DMD: variants seen among roughly 807,000 people sequenced by gnomAD.
DMD encodes the protein dystrophin, also known as mutant dystrophin.
DMD carries 63 observed loss-of-function variants against 330.1 expected under a neutral mutation model. That is an observed-to-expected ratio of 0.19 (90% CI 0.16 to 0.24). The LOEUF (loss-of-function observed/expected upper bound fraction) is 0.24. Among genes scored for constraint, DMD ranks in the 10% least tolerant of loss-of-function variants. The pLI is 1.00. For synonymous variants in DMD, 1,223 were observed against 959.8 expected, an observed-to-expected ratio of 1.27 and a Z score of -5.07; for missense variants, 3,344 against 2,684.1, an observed-to-expected ratio of 1.25 and a Z score of -5.43.
intron 7 of DMD, among the ~76,000 whole-genome samples, chrX:32,770,500 T>C (rs1395315582): frequency 2.7e-5 from 3 of 111,770 alleles, no homozygotes; most frequent in Non-Finnish European, 3.8e-5. Flanking sequence ...TGATGATCAA[T>C]TGATGTATTA....
chrX:31,272,478 G>A (rs996949872), intron 62 of DMD, among the ~76,000 whole-genome samples: 2 of 112,011 alleles, frequency 1.8e-5, no homozygotes, highest in African/African-American at 3.2e-5. Flanking sequence ...TTTCCCCACC[G>A]ATTGTGCCAA....
At chrX:32,038,021 G>GTC (rs2095964057) in intron 44 of DMD, among the ~76,000 whole-genome samples, 1 of 111,618 alleles carries the variant, frequency 9.0e-6, no homozygotes. Context: ...AGAGCACATG[G>GTC]TCATTTGTTC....
chrX:31,190,984 A>G (rs1377923606), intron 67 of DMD, among the ~76,000 whole-genome samples: 1 of 111,999 alleles, frequency 8.9e-6, no homozygotes, highest in African/African-American at 3.2e-5. Context: ...GAGGGTAGAG[A>G]GAGCAAAAGG....
chrX:32,565,576 A>T, intron 16 of DMD, 126 bp downstream of exon 16: 1 of 660,343 alleles, frequency 1.5e-6, no homozygotes, highest in Non-Finnish European at 2.3e-6. Context: ...TCATGTTTTT[A>T]TTTAACTAAA....
At position 32,597,913 on chromosome X, in the gene DMD, T is replaced by C. The variant is rs764845629; in HGVS notation, c.1483-2037A>G. 2.8e-3 allele frequency among the ~76,000 whole-genome samples: 318 copies of C among 111,640 alleles called. 1 individual carries two copies. The highest frequency in any genetic ancestry group is 4.9e-3 in the Non-Finnish European group (260 of 53,088). Reference sequence around the variant, plus strand: ...AACATTTTGTTACATAACACAAGAGTGGAGAAACAAGTTTGGGACATTTCC... The same window carrying C: ...AACATTTTGTTACATAACACAAGAGCGGAGAAACAAGTTTGGGACATTTCC... On this transcript the variant is annotated intron_variant, in intron 12 of 78. Transcript: ENST00000357033.
chrX:32,612,076 T>A (rs2057221944), intron 12 of DMD, among the ~76,000 whole-genome samples: 1 of 111,068 alleles, frequency 9.0e-6, no homozygotes, highest in South Asian at 3.8e-4. Context: ...ATGGTTTATT[T>A]GGAGGGTGAA....
chrX:31,326,957 G>T (rs887925566), intron 61 of DMD, among the ~76,000 whole-genome samples: 1 of 112,229 alleles, frequency 8.9e-6, no homozygotes, highest in Middle Eastern at 4.6e-3. Flanking sequence ...GCTAGCCTAC[G>T]TAATAGACAC....
chrX:31,967,308 GTGTGT>G (rs2095359670), intron 45 of DMD, among the ~76,000 whole-genome samples: 2 of 54,351 alleles, frequency 3.7e-5, no homozygotes, highest in Non-Finnish European at 6.2e-5. Flanking sequence ...GTGTGTGTGT[GTGTGT>G]GTGTGTGTGT....
intron 2 of DMD, among the ~76,000 whole-genome samples, chrX:32,895,844 C>CGTGTGTGTGTGTGTGTGTGTGT (rs5902042): frequency 2.0e-5 from 2 of 99,789 alleles, no homozygotes; most frequent in African/African-American, 7.4e-5. Context: ...TTGGAATGAA[C>CGTGTGTGTGTGTGTGTGTGTGT]GTGTGTGTGT....
intron 50 of DMD, among the ~76,000 whole-genome samples, chrX:31,807,851 C>T (rs1012297018): frequency 8.9e-6 from 1 of 111,855 alleles, no homozygotes; most frequent in African/African-American, 3.2e-5. Flanking sequence ...GTATGTTTAA[C>T]ATAAAGGTAA....
intron 2 of DMD, among the ~76,000 whole-genome samples, chrX:32,970,877 C>T (rs952331923): frequency 1.4e-5 from 1 of 73,413 alleles, no homozygotes; most frequent in African/African-American, 8.0e-5. Flanking sequence ...TTGGTTACAT[C>T]TAACCTCACA....
At chrX:31,903,468 A>C (rs1343892927) in intron 47 of DMD, among the ~76,000 whole-genome samples, 5 of 112,120 alleles carry the variant, frequency 4.5e-5, no homozygotes, top group Non-Finnish European at 9.4e-5. Flanking sequence ...AATATTCGCA[A>C]TATTATAAAA....
chrX:32,138,074 G>T (rs1394161123), intron 44 of DMD, among the ~76,000 whole-genome samples: 1 of 108,313 alleles, frequency 9.2e-6, no homozygotes, highest in African/African-American at 3.4e-5. Flanking sequence ...TCTTCCCAAG[G>T]TCGCCCACCT....
At chrX:32,602,213 G>T (rs908308029) in intron 12 of DMD, among the ~76,000 whole-genome samples, 18 of 111,729 alleles carry the variant, frequency 1.6e-4, no homozygotes, top group African/African-American at 5.5e-4. Flanking sequence ...AGAAAAATTT[G>T]CATGGGCAGA....
At chrX:32,753,758 A>G (rs776742363) in intron 7 of DMD, among the ~76,000 whole-genome samples, 1 of 112,135 alleles carries the variant, frequency 8.9e-6, no homozygotes, top group African/African-American at 3.2e-5. Flanking sequence ...TTATAATACA[A>G]TGTTAGTTCT....
intron 9 of DMD, among the ~76,000 whole-genome samples, chrX:32,690,070 C>G (rs1293549304): frequency 1.1e-5 from 1 of 92,147 alleles, no homozygotes; most frequent in South Asian, 4.8e-4. Context: ...AATAATTAGG[C>G]AAAAAAAAAA....
chrX:31,933,832 G>T (rs1285992969), intron 45 of DMD, among the ~76,000 whole-genome samples: 2 of 111,561 alleles, frequency 1.8e-5, no homozygotes, highest in African/African-American at 6.5e-5. Context: ...TCAAAATTAT[G>T]TTTACGATAA....
rs762435619 is a variant in DMD, at chrX:31,219,511, A to G, written c.9361+3536T>C. Among the ~76,000 whole-genome samples, 8 of 111,073 alleles carry G rather than the reference A, an allele frequency of 7.2e-5. No homozygotes were observed. The South Asian group carries it at 2.3e-3, about 32-fold the overall frequency. On this transcript the variant is annotated intron_variant, in intron 64 of 78. Coordinates refer to ENST00000357033, the MANE Select transcript of DMD (RefSeq NM_004006.3). Reference sequence around the variant, plus strand: ...CCATACAAAAAATGGAAGCCTTTATAGTAAGACATCCTTCACCTTGCTGCT... The same window carrying G: ...CCATACAAAAAATGGAAGCCTTTATGGTAAGACATCCTTCACCTTGCTGCT...
chrX:32,389,958 G>C, intron 31 of DMD, 113 bp downstream of exon 31: 1 of 635,923 alleles, frequency 1.6e-6, no homozygotes, highest in East Asian at 3.4e-5. Context: ...TCAAATTATA[G>C]TTTTCAAATA....
Sources: allele counts gnomAD v4.1 joint callset (sites outside exome capture counted in the v4.1 genomes callset), GRCh38; gene constraint gnomAD v4.1.1; transcripts MANE v1.5; gene names NCBI Gene and HGNC (gene_info 2026-07-23, HGNC 2026-07-21).